Variants in TAF4B observed in about 807,000 individuals in gnomAD.
The protein encoded by TAF4B is transcription initiation factor TFIID subunit 4B.
A neutral mutation model predicts 86.4 loss-of-function variants in TAF4B; 38 were observed. That is an observed-to-expected ratio of 0.44 (90% confidence interval 0.34 to 0.58). TAF4B has a LOEUF of 0.58. TAF4B is among the 20% of genes least tolerant of loss of function. TAF4B has a pLI of 0.02. For synonymous variants in TAF4B, 388 were observed against 391.2 expected, an observed-to-expected ratio of 0.99 and a Z score of 0.10; for missense variants, 988 against 1,027.6, an observed-to-expected ratio of 0.96 and a Z score of 0.53.
intron 1 of TAF4B, among the ~76,000 whole-genome samples, chr18:26,249,477 C>CAA (rs111318895): frequency 2.2e-4 from 31 of 138,884 alleles, no homozygotes; most frequent in Middle Eastern, 7.4e-3. Context: ...CTCTCTCTCT[C>CAA]AAAAAAAAAA....
intron 10 of TAF4B, among the ~76,000 whole-genome samples, chr18:26,316,390 CT>C (rs754643401): frequency 1.0e-4 from 14 of 136,792 alleles, no homozygotes; most frequent in Non-Finnish European, 1.9e-4. Context: ...TCTTCTTCTT[CT>C]TTTTTTTTTC....
chr18:26,228,016 C>A (rs1223403799), intron 1 of TAF4B, among the ~76,000 whole-genome samples: 2 of 152,298 alleles, frequency 1.3e-5, no homozygotes, highest in African/African-American at 4.8e-5. Context: ...ATCAGTCATG[C>A]AATTGTTACA....
At chr18:26,257,959 T>C (rs1017164707) in intron 1 of TAF4B, among the ~76,000 whole-genome samples, 19 of 152,084 alleles carry the variant, frequency 1.2e-4, no homozygotes, top group Non-Finnish European at 2.6e-4. Flanking sequence ...ATTTTATGTC[T>C]TTTAAAGAAG....
intron 9 of TAF4B, among the ~76,000 whole-genome samples, chr18:26,312,668 T>C (rs1336284205): frequency 6.6e-6 from 1 of 152,142 alleles, no homozygotes; most frequent in East Asian, 1.9e-4. Context: ...CAACAAAGGC[T>C]GTACAGGGAC....
chr18:26,304,310 C>T (rs935457882), intron 9 of TAF4B, among the ~76,000 whole-genome samples: 2 of 151,150 alleles, frequency 1.3e-5, no homozygotes, highest in African/African-American at 4.9e-5. Flanking sequence ...ATTTGGAATT[C>T]CAGTGACTTC....
At chr18:26,300,337 A>ATTATTATTATT in intron 9 of TAF4B, among the ~76,000 whole-genome samples, 1 of 149,036 alleles carries the variant, frequency 6.7e-6, no homozygotes, top group Non-Finnish European at 1.5e-5. Context: ...TATTATTATT[A>ATTATTATTATT]ATGTAAGCAT....
At chr18:26,227,511 G>C (rs1284087437) in intron 1 of TAF4B, among the ~76,000 whole-genome samples, 2 of 152,170 alleles carry the variant, frequency 1.3e-5, no homozygotes, top group East Asian at 3.8e-4. Flanking sequence ...GTATTCGGGG[G>C]GGCTTTCAGG....
At chr18:26,341,700 A>T (rs2057138066) in intron 13 of TAF4B, among the ~76,000 whole-genome samples, 2 of 152,070 alleles carry the variant, frequency 1.3e-5, no homozygotes, top group African/African-American at 4.8e-5. Context: ...AGTGGTTGGG[A>T]GAAAAAAAAA....
intron 9 of TAF4B, among the ~76,000 whole-genome samples, chr18:26,296,804 C>G (rs1337223536): frequency 6.6e-6 from 1 of 152,126 alleles, no homozygotes; most frequent in Admixed American, 6.6e-5. Flanking sequence ...TTTGTCCTTT[C>G]TAGAGTTTTG....
At chr18:26,268,181 G>A (rs2056266364) in intron 3 of TAF4B, among the ~76,000 whole-genome samples, 1 of 152,142 alleles carries the variant, frequency 6.6e-6, no homozygotes, top group South Asian at 2.1e-4. Context: ...TATAAATGGA[G>A]GCTGTCTAAT....
chr18:26,309,241 C>G (rs1162025650), intron 9 of TAF4B, among the ~76,000 whole-genome samples: 1 of 108,734 alleles, frequency 9.2e-6, no homozygotes, highest in Non-Finnish European at 1.8e-5. Flanking sequence ...AAAAACCTGA[C>G]AGTATTTTTT....
chr18:26,230,949 C>T (rs1190136782), intron 1 of TAF4B, among the ~76,000 whole-genome samples: 5 of 149,272 alleles, frequency 3.3e-5, no homozygotes, highest in African/African-American at 1.2e-4. Flanking sequence ...ATTCTACTTA[C>T]AAAAGCAGTA....
intron 13 of TAF4B, among the ~76,000 whole-genome samples, chr18:26,338,017 A>T (rs1199612483): frequency 6.6e-6 from 1 of 152,224 alleles, no homozygotes; most frequent in Admixed American, 6.5e-5. Context: ...AACTTCGAAG[A>T]ACTGTTTACA....
rs1257007191 is a variant in TAF4B at position 26,390,043 on chromosome 18, A to G, written c.*31A>G. ...CCACTCTTCCATCCAGATCCTTGCT[A>G]TTTACTGCCAAAGAAGACACAAAGC... On this transcript the variant is annotated 3_prime_UTR_variant, in exon 15 of 15. Transcript: ENST00000269142. 10 of 1,593,592 alleles carry G rather than the reference A, an allele frequency of 6.3e-6. No individual in the cohort carries two copies. The Admixed American group carries it at 1.6e-4, about 25-fold the overall frequency.
intron 9 of TAF4B, 47 bp from the exon 10 acceptor site, chr18:26,315,182 C>T: frequency 7.9e-7 from 1 of 1,259,220 alleles, no homozygotes; most frequent in South Asian, 1.5e-5. Flanking sequence ...CACACACACA[C>T]ACACACACAC....
intron 12 of TAF4B, among the ~76,000 whole-genome samples, chr18:26,329,015 T>A (rs1297895927): frequency 6.6e-6 from 1 of 152,040 alleles, no homozygotes; most frequent in Non-Finnish European, 1.5e-5. Flanking sequence ...TCTTCCTCCC[T>A]TTCTTTCTTC....
intron 9 of TAF4B, among the ~76,000 whole-genome samples, chr18:26,313,841 T>G (rs1394809438): frequency 1.3e-5 from 2 of 152,080 alleles, no homozygotes; most frequent in Non-Finnish European, 1.5e-5. Context: ...AATTTTTTTT[T>G]GTTTTCTGTA....
chr18:26,291,252 A>T (rs1363413968), intron 7 of TAF4B, among the ~76,000 whole-genome samples: 2 of 151,862 alleles, frequency 1.3e-5, no homozygotes, highest in Admixed American at 6.6e-5. Context: ...CTGTTTTTCT[A>T]CCTGTTTTGT....
At chr18:26,303,978 A>T (rs1404239576) in intron 9 of TAF4B, among the ~76,000 whole-genome samples, 1 of 152,100 alleles carries the variant, frequency 6.6e-6, no homozygotes, top group Non-Finnish European at 1.5e-5. Flanking sequence ...ATTTATTCCT[A>T]GATATCTTTC....
Sources: allele counts gnomAD v4.1 joint callset (sites outside exome capture counted in the v4.1 genomes callset), GRCh38; gene constraint gnomAD v4.1.1; transcripts MANE v1.5; gene names NCBI Gene and HGNC (gene_info 2026-07-23, HGNC 2026-07-21).